SLC30A8: variants seen among roughly 807,000 people sequenced by gnomAD.
The protein encoded by SLC30A8 is proton-coupled zinc antiporter SLC30A8.
A neutral mutation model predicts 36.9 loss-of-function variants in SLC30A8; 27 were observed. That is an observed-to-expected ratio of 0.73 (90% CI 0.54 to 1.01). The LOEUF is 1.01. Ranked by LOEUF, SLC30A8 falls within the 50% of genes least tolerant of loss-of-function variation. SLC30A8 has a pLI of 0.00. For synonymous variants in SLC30A8, 164 were observed against 172.4 expected, an observed-to-expected ratio of 0.95 and a Z score of 0.38; for missense variants, 439 against 452.0, an observed-to-expected ratio of 0.97 and a Z score of 0.26.
chr8:117,102,849 G>A (rs1819788326), intron 2 of SLC30A8, among the ~76,000 whole-genome samples: 1 of 151,994 alleles, frequency 6.6e-6, no homozygotes, highest in Non-Finnish European at 1.5e-5. Flanking sequence ...AGATTCAAAG[G>A]CCTTATTTCC....
Position 117,035,464 on chromosome 8 carries a change from G to A in SLC30A8, c.-265-3755G>A, listed in dbSNP as rs181489487. Among the ~76,000 whole-genome samples, 458 of 152,326 alleles carry A rather than the reference G, an allele frequency of 3.0e-3. 3 individuals are homozygous for A. The highest frequency in any genetic ancestry group is 0.017 in the Middle Eastern group (5 of 294). Reference sequence around the variant, plus strand: ...CATCCAGGGCATGCTGATGCAAGGCGTGGGCTCCCACAGCCTTGGGCAGCT... The same window carrying A: ...CATCCAGGGCATGCTGATGCAAGGCATGGGCTCCCACAGCCTTGGGCAGCT... On this transcript the variant is annotated intron_variant, in intron 1 of 10. Transcript: ENST00000427715.
chr8:117,156,602 T>C (rs1433337239), intron 3 of SLC30A8, among the ~76,000 whole-genome samples: 1 of 152,218 alleles, frequency 6.6e-6, no homozygotes, highest in African/African-American at 2.4e-5. Flanking sequence ...GTTAGTCAGA[T>C]AATTTTAAGT....
In SLC30A8 at chr8:117,176,030, T is replaced by C. The variant is rs760206405; in HGVS notation, c.*3349T>C. The C allele has an allele frequency of 2.0e-5, 3 of 152,060 alleles. No homozygotes were observed. The highest frequency in any genetic ancestry group is 4.4e-5 in the Non-Finnish European group (3 of 68,000). 9.4% of individuals were successfully genotyped at this position (152,060 alleles called of 1,614,324 possible). On this transcript the variant is annotated 3_prime_UTR_variant, in exon 8 of 8. Coordinates refer to ENST00000456015, the MANE Select transcript of SLC30A8 (RefSeq NM_173851.3). The stretch of plus-strand genomic sequence containing the variant: ...AGTGCAATGAAGGCAAAGTCATAGG[T>C]CTCCCAAGTCTTACCCCATTCCTGT...
At chr8:117,001,179 C>T (rs956411767) in intron 1 of SLC30A8, among the ~76,000 whole-genome samples, 25 of 141,840 alleles carry the variant, frequency 1.8e-4, no homozygotes, top group Non-Finnish European at 3.5e-4. Flanking sequence ...GAACCAATAA[C>T]GTAGGAGAAA....
chr8:117,071,848 A>C (rs1818339951), intron 2 of SLC30A8, among the ~76,000 whole-genome samples: 1 of 151,866 alleles, frequency 6.6e-6, no homozygotes, highest in African/African-American at 2.4e-5. Context: ...TAAACATGCT[A>C]GTTTTTCTCT....
At chr8:116,950,733 A>C (rs1404965728), upstream of SLC30A8, among the ~76,000 whole-genome samples, 1 of 152,188 alleles carries the variant, frequency 6.6e-6, no homozygotes, top group African/African-American at 2.4e-5. Context: ...TCATGCTAAG[A>C]AATATCTCAA....
At chr8:116,974,937 C>T (rs1006515549) in intron 1 of SLC30A8, among the ~76,000 whole-genome samples, 6 of 149,358 alleles carry the variant, frequency 4.0e-5, no homozygotes, top group Admixed American at 1.4e-4. Context: ...GTCACAAGGA[C>T]AGAAAACCAA....
At chr8:117,115,785 G>A (rs1034556686) in intron 2 of SLC30A8, among the ~76,000 whole-genome samples, 1 of 152,038 alleles carries the variant, frequency 6.6e-6, no homozygotes, top group African/African-American at 2.4e-5. Context: ...CATATGAACT[G>A]AGATCTAATC....
intron 4 of SLC30A8, among the ~76,000 whole-genome samples, chr8:117,160,446 T>TGTGTGCGC (rs150458118): frequency 3.7e-4 from 53 of 144,612 alleles, no homozygotes; most frequent in African/African-American, 1.2e-3. Flanking sequence ...CGCGCACATG[T>TGTGTGCGC]GCGCGCGGTG....
At chr8:117,092,767 A>G (rs1370672995) in intron 2 of SLC30A8, among the ~76,000 whole-genome samples, 1 of 152,168 alleles carries the variant, frequency 6.6e-6, no homozygotes, top group African/African-American at 2.4e-5. Flanking sequence ...CCAGGGAGAC[A>G]CTGAGATAAG....
chr8:117,055,738 T>C (rs1045285748), intron 2 of SLC30A8: 1 of 152,202 alleles, frequency 6.6e-6, no homozygotes, highest in African/African-American at 2.4e-5. Flanking sequence ...AGTGTTTGTA[T>C]AGAGAATTTA....
At chr8:117,059,002 T>C (rs1294861489) in intron 2 of SLC30A8, among the ~76,000 whole-genome samples, 1 of 149,940 alleles carries the variant, frequency 6.7e-6, no homozygotes, top group Non-Finnish European at 1.5e-5. Context: ...ATTGCAAGGA[T>C]AAAAGTTCAC....
At chr8:116,994,763 T>G (rs1274722551) in intron 1 of SLC30A8, among the ~76,000 whole-genome samples, 1 of 152,100 alleles carries the variant, frequency 6.6e-6, no homozygotes, top group Non-Finnish European at 1.5e-5. Flanking sequence ...ATGTATATTA[T>G]ACCTCTCCTG....
Position 116,957,496 on chromosome 8 carries a change from C to T in SLC30A8, c.-266+6377C>T, listed in dbSNP as rs150315258. Reference sequence around the variant, plus strand: ...ATGTTGGCCAGGCTGGTCTGGAGCTCCTGACCTCAAGTGATCTACCTGCCT... The same window carrying T: ...ATGTTGGCCAGGCTGGTCTGGAGCTTCTGACCTCAAGTGATCTACCTGCCT... On this transcript the variant is annotated intron_variant, in intron 1 of 10. Coordinates refer to the SLC30A8 transcript ENST00000427715. Among the ~76,000 whole-genome samples the T allele has an allele frequency of 4.5e-3, 686 of 152,222 alleles. 4 individuals are homozygous for T. The highest frequency in any genetic ancestry group is 0.012 in the African/African-American group (490 of 41,498).
rs907990413 is a variant in SLC30A8 at position 117,171,176 on chromosome 8, A to G, written c.964+8A>G. 1.9e-6 allele frequency: 3 copies of G among 1,613,404 alleles called. No homozygotes were observed. The highest frequency in any genetic ancestry group is 2.5e-6 in the Non-Finnish European group (3 of 1,179,510). On this transcript the variant is annotated splice_region_variant and intron_variant, in intron 7 of 7. Transcript: ENST00000456015. ...CAGCTCATGTTGCTACAGGTCAGTG[A>G]GTTTTGTAAACACCCTGGAAAAAAT...
chr8:117,146,597 A>T (rs1353291704), intron 1 of SLC30A8, among the ~76,000 whole-genome samples: 1 of 152,040 alleles, frequency 6.6e-6, no homozygotes, highest in Non-Finnish European at 1.5e-5. Context: ...TTTTATTATT[A>T]TTTTTTTGTA....
intron 1 of SLC30A8, among the ~76,000 whole-genome samples, chr8:117,017,618 G>A (rs909715235): frequency 2.0e-5 from 3 of 152,206 alleles, no homozygotes; most frequent in African/African-American, 4.8e-5. Flanking sequence ...GTTCAGGCAG[G>A]TGGAGAATAA....
At chr8:117,162,631 A>T (rs1428053934) in intron 5 of SLC30A8, among the ~76,000 whole-genome samples, 1 of 152,252 alleles carries the variant, frequency 6.6e-6, no homozygotes, top group Admixed American at 6.5e-5. Flanking sequence ...AGAGACTCAC[A>T]GCTTTTCCTA....
At chr8:117,138,060 CA>C (rs60065374) in intron 1 of SLC30A8, among the ~76,000 whole-genome samples, 1,003 of 49,994 alleles carry the variant, frequency 0.02, 1 homozygote, top group African/African-American at 0.035. Context: ...TTCATTGTAG[CA>C]AAAAAAAAAA....
Sources: allele counts gnomAD v4.1 joint callset (sites outside exome capture counted in the v4.1 genomes callset), GRCh38; gene constraint gnomAD v4.1.1; transcripts MANE v1.5; gene names NCBI Gene and HGNC (gene_info 2026-07-23, HGNC 2026-07-21).